ADARB2: variants seen among roughly 807,000 people sequenced by gnomAD.
ADARB2 encodes the protein inactive double-stranded RNA-specific editase B2.
A neutral mutation model predicts 62.2 loss-of-function variants in ADARB2; 25 were observed. The observed-to-expected ratio is 0.40, with a 90% CI of 0.29 to 0.56. The LOEUF is 0.56. Among genes scored for constraint, ADARB2 ranks in the 20% least tolerant of loss-of-function variants. The probability of loss-of-function intolerance (pLI) is 0.43; values close to 1 mark genes in which losing one functional copy is unlikely to be tolerated. For missense variants in ADARB2, 1,071 were observed against 1,077.4 expected (o/e 0.99, Z 0.08); for synonymous variants, 572 against 500.8 (o/e 1.14, Z -1.90).
chr10:1,416,282 T>A (rs1051546572), intron 1 of ADARB2, among the ~76,000 whole-genome samples: 12 of 152,242 alleles, frequency 7.9e-5, no homozygotes, highest in African/African-American at 2.9e-4. Flanking sequence ...TATTTTTGAA[T>A]AAATGAATTA....
At chr10:1,559,625 G>T (rs1832760446) in intron 1 of ADARB2, among the ~76,000 whole-genome samples, 1 of 152,164 alleles carries the variant, frequency 6.6e-6, no homozygotes, top group South Asian at 2.1e-4. Context: ...GCCGGTGGGG[G>T]GTGGTGCTGA....
At chr10:1,314,892 T>G (rs1831723995) in intron 3 of ADARB2, among the ~76,000 whole-genome samples, 1 of 152,146 alleles carries the variant, frequency 6.6e-6, no homozygotes, top group Non-Finnish European at 1.5e-5. Flanking sequence ...CCTTAGATAT[T>G]TCACTGTTGG....
intron 1 of ADARB2, among the ~76,000 whole-genome samples, chr10:1,581,698 A>T (rs1833100974): frequency 6.6e-6 from 1 of 152,208 alleles, no homozygotes; most frequent in Admixed American, 6.5e-5. Context: ...CTAGATATAG[A>T]CAGAGAATGT....
At chr10:1,447,176 C>T (rs554012433) in intron 1 of ADARB2, among the ~76,000 whole-genome samples, 35 of 152,166 alleles carry the variant, frequency 2.3e-4, no homozygotes, top group Non-Finnish European at 3.8e-4. Flanking sequence ...CCTACAGCAA[C>T]GCGTGGAATG....
In ADARB2 at chr10:1,214,773, A is replaced by G. The variant is rs369592184; in HGVS notation, c.1682+2178T>C. ...TTCCTCATCATGAATAGATGAAAAC[A>G]TTGTAAAGGAAGAATACATTTTCTT... On this transcript the variant is annotated intron_variant, in intron 7 of 9. Coordinates refer to ENST00000381312, the MANE Select transcript of ADARB2 (RefSeq NM_018702.4). 2.1e-3 allele frequency among the ~76,000 whole-genome samples: 318 copies of G among 152,382 alleles called. 1 individual carries two copies. Among genetic ancestry groups the G allele is most frequent in the African/African-American group, 7.3e-3 (302 of 41,590 alleles).
chr10:1,232,629 G>A (rs1830818824), intron 6 of ADARB2, among the ~76,000 whole-genome samples: 1 of 147,606 alleles, frequency 6.8e-6, no homozygotes, highest in Non-Finnish European at 1.5e-5. Context: ...TGATGTGTGT[G>A]GTGTATGTGG....
chr10:1,435,007 C>G (rs10794750), intron 1 of ADARB2, among the ~76,000 whole-genome samples: 89,245 of 152,214 alleles, frequency 0.59, 28,311 homozygotes, highest in Middle Eastern at 0.72. Flanking sequence ...GGAACAAGGG[C>G]ACTTGGGCTC....
intron 1 of ADARB2, among the ~76,000 whole-genome samples, chr10:1,502,032 G>A (rs1469223183): frequency 6.6e-6 from 1 of 152,258 alleles, no homozygotes; most frequent in African/African-American, 2.4e-5. Context: ...AATAAAAACT[G>A]CAATCGTGAG....
chr10:1,312,064 G>A (rs906572531), intron 3 of ADARB2, among the ~76,000 whole-genome samples: 1 of 152,240 alleles, frequency 6.6e-6, no homozygotes, highest in African/African-American at 2.4e-5. Context: ...ATAAACTCAT[G>A]TGAAAATAAA....
At chr10:1,433,585 T>C (rs1390958293) in intron 1 of ADARB2, among the ~76,000 whole-genome samples, 1 of 152,080 alleles carries the variant, frequency 6.6e-6, no homozygotes, top group African/African-American at 2.4e-5. Flanking sequence ...ATCACATCCA[T>C]AGATGACTGA....
At chr10:1,194,377 G>T (rs1484621815) in intron 8 of ADARB2, among the ~76,000 whole-genome samples, 2 of 152,244 alleles carry the variant, frequency 1.3e-5, no homozygotes, top group African/African-American at 4.8e-5. Context: ...TGCCACTCCT[G>T]CTGAAACTTC....
intron 1 of ADARB2, among the ~76,000 whole-genome samples, chr10:1,639,558 AAGAGGGCCGGGCGC>A (rs1833953944): frequency 6.6e-6 from 1 of 152,178 alleles, no homozygotes; most frequent in African/African-American, 2.4e-5. Context: ...ATAAAACACA[AAGAGGGCCGGGCGC>A]AGTGGCTCAC....
intron 1 of ADARB2, 133 bp downstream of exon 1, chr10:1,736,918 C>T (rs571786338): frequency 3.9e-5 from 34 of 866,968 alleles, no homozygotes; most frequent in Non-Finnish European, 3.6e-5. Flanking sequence ...GCGCCCTGCA[C>T]GGAGCAGCCA....
At chr10:1,286,283 G>A (rs555955572) in intron 3 of ADARB2, among the ~76,000 whole-genome samples, 1 of 152,180 alleles carries the variant, frequency 6.6e-6, no homozygotes, top group South Asian at 2.1e-4. Flanking sequence ...GAAGCCTCCG[G>A]GATAATCAGA....
chr10:1,444,405 ATCTATCCATCC>A (rs1830941546), intron 1 of ADARB2, among the ~76,000 whole-genome samples: 2 of 142,736 alleles, frequency 1.4e-5, no homozygotes. Flanking sequence ...ACATCCATCC[ATCTATCCATCC>A]TCTATCCATC....
intron 3 of ADARB2, among the ~76,000 whole-genome samples, chr10:1,357,075 C>T (rs1832202980): frequency 6.6e-6 from 1 of 152,204 alleles, no homozygotes. Context: ...CAGTGACTGT[C>T]TGCACAGGGG....
intron 1 of ADARB2, among the ~76,000 whole-genome samples, chr10:1,544,512 A>AGAGG (rs1007628262): frequency 3.9e-5 from 6 of 152,132 alleles, no homozygotes; most frequent in African/African-American, 1.4e-4. Flanking sequence ...ACCCAGCCAG[A>AGAGG]GTCGTCACGG....
At chr10:1,275,551 C>A (rs548317760) in intron 3 of ADARB2, among the ~76,000 whole-genome samples, 106 of 151,982 alleles carry the variant, frequency 7.0e-4, no homozygotes, top group African/African-American at 2.0e-3. Flanking sequence ...TACATGTGCA[C>A]AATGTGCAGG....
intron 3 of ADARB2, among the ~76,000 whole-genome samples, chr10:1,293,227 G>A (rs71494949): frequency 0.38 from 40,418 of 105,630 alleles, 8,823 homozygotes; most frequent in African/African-American, 0.53. Flanking sequence ...AGAGAGGGAC[G>A]GGGAGGGAGA....
Sources: allele counts gnomAD v4.1 joint callset (sites outside exome capture counted in the v4.1 genomes callset), GRCh38; gene constraint gnomAD v4.1.1; transcripts MANE v1.5; gene names NCBI Gene and HGNC (gene_info 2026-07-23, HGNC 2026-07-21).